STXBP5: variants seen among roughly 807,000 people sequenced by gnomAD.
The protein encoded by STXBP5 is syntaxin-binding protein 5.
STXBP5 carries 50 observed loss-of-function variants against 152.4 expected under a neutral mutation model. The observed-to-expected ratio is 0.33, with a 90% confidence interval of 0.26 to 0.42. The LOEUF is 0.42. STXBP5 is among the 10% of genes least tolerant of loss of function. STXBP5 has a pLI of 1.00. For synonymous variants in STXBP5, 492 were observed against 494.7 expected, an observed-to-expected ratio of 0.99 and a Z score of 0.07; for missense variants, 1,167 against 1,388.6, an observed-to-expected ratio of 0.84 and a Z score of 2.54.
rs768730306 is a variant in STXBP5 at position 147,364,159 on chromosome 6, A to G, written c.3074A>G (p.Asn1025Ser). Residue 1025 changes from asparagine to serine, a missense_variant, in exon 25 of 28, where the codon AAT (asparagine) becomes AGT (serine). Transcript: ENST00000321680. ...RLTYSQETCE[N>S]LQEMLGELFT... is the part of the protein sequence containing the mutation. Reference sequence around the variant, plus strand: ...ACTTATAGTCAAGAGACCTGTGAAAATCTTCAGGTAATTAATAAAAATATT... The same window carrying G: ...ACTTATAGTCAAGAGACCTGTGAAAGTCTTCAGGTAATTAATAAAAATATT... 5 of 1,611,360 alleles carry G rather than the reference A, an allele frequency of 3.1e-6. No homozygotes were observed. The highest frequency in any genetic ancestry group is 1.7e-5 in the Admixed American group (1 of 59,768).
chr6:147,382,801 G>A lies in STXBP5; in HGVS notation c.3217G>A (p.Ala1073Thr). The change falls in exon 27 of 28, where the codon GCT becomes ACT. Residue 1073 changes from alanine to threonine, a missense_variant. Ala to Thr is a moderately conservative substitution (Grantham distance 58). Around this residue, in one of 3 missense-constraint regions of STXBP5, gnomAD observed 833 missense variants for 986.3 expected, o/e 0.84. Coordinates refer to ENST00000321680, the MANE Select transcript of STXBP5 (RefSeq NM_001127715.4). ...AGTTGGAGAATCGTCCTCAGGAAAG[G>A]CTTCAAGGAGCCTTGCACAGCATAT... Reference protein sequence around the residue: ...ELFGESSSGKASRSLAQHIPG... With the variant: ...ELFGESSSGKTSRSLAQHIPG... 6.2e-7 allele frequency: 1 copy of A among 1,613,312 alleles called. No individual in the cohort carries two copies. Among genetic ancestry groups the A allele is most frequent in the Non-Finnish European group, 8.5e-7 (1 of 1,179,508 alleles).
At chr6:147,311,221 A>G (rs984389838) in intron 10 of STXBP5, among the ~76,000 whole-genome samples, 8 of 152,198 alleles carry the variant, frequency 5.3e-5, no homozygotes, top group Non-Finnish European at 1.0e-4. Flanking sequence ...TTGCAATGCC[A>G]TAGAAATTTC....
At chr6:147,377,031 T>C (rs1313413214) in intron 26 of STXBP5, among the ~76,000 whole-genome samples, 3 of 152,138 alleles carry the variant, frequency 2.0e-5, no homozygotes, top group Non-Finnish European at 4.4e-5. Context: ...AAAACAAATA[T>C]TGACATAGCT....
At chr6:147,279,802 C>T (rs902794121) in intron 8 of STXBP5, among the ~76,000 whole-genome samples, 6 of 152,126 alleles carry the variant, frequency 3.9e-5, no homozygotes, top group African/African-American at 1.4e-4. Context: ...TTAGAATCTC[C>T]TAACCCTGCT....
intron 25 of STXBP5, among the ~76,000 whole-genome samples, chr6:147,367,637 CAAAAAACA>C (rs1330154206): frequency 6.6e-6 from 1 of 150,878 alleles, no homozygotes; most frequent in Non-Finnish European, 1.5e-5. Flanking sequence ...GATTCTGTCT[CAAAAAACA>C]AAAAAACAAA....
chr6:147,298,692 T>C (rs922013307), intron 9 of STXBP5, among the ~76,000 whole-genome samples: 3 of 151,990 alleles, frequency 2.0e-5, no homozygotes, highest in African/African-American at 7.2e-5. Context: ...TTGGAAACTG[T>C]AAAAATACAT....
intron 5 of STXBP5, 43 bp downstream of exon 5, chr6:147,260,792 A>G (rs1368300366): frequency 1.3e-6 from 2 of 1,592,408 alleles, no homozygotes; most frequent in Non-Finnish European, 1.7e-6. Flanking sequence ...CATCAGTTCT[A>G]TATATAATAA....
intron 16 of STXBP5, among the ~76,000 whole-genome samples, chr6:147,319,941 A>C (rs1782836334): frequency 6.7e-6 from 1 of 148,604 alleles, no homozygotes; most frequent in African/African-American, 2.5e-5. Context: ...TCCTGGGCTC[A>C]ATCAGTCCTC....
Position 147,363,697 on chromosome 6 carries a change from A to G in STXBP5, c.2908A>G (p.Thr970Ala). The G allele has an allele frequency of 6.2e-7, 1 of 1,606,726 alleles. No homozygotes were observed. The highest frequency in any genetic ancestry group is 8.5e-7 in the Non-Finnish European group (1 of 1,177,170). The part of the protein sequence containing the change: ...ACFCANGHIM[T>A]FSLPSLRPLL... Reference sequence around the variant, plus strand: ...TTTCTGTGCCAATGGACATATAATGACTTTTAGGTAAGAGTTAGATATGTT... The same window carrying G: ...TTTCTGTGCCAATGGACATATAATGGCTTTTAGGTAAGAGTTAGATATGTT... Residue 970 changes from threonine (T) to alanine (A), a missense_variant, in exon 24 of 28, where the codon ACT (threonine) becomes GCT (alanine). Coordinates refer to ENST00000321680, the MANE Select transcript of STXBP5 (RefSeq NM_001127715.4).
At chr6:147,231,375 C>G (rs934398057) in intron 2 of STXBP5, among the ~76,000 whole-genome samples, 6 of 151,866 alleles carry the variant, frequency 4.0e-5, no homozygotes, top group Middle Eastern at 3.4e-3. Flanking sequence ...ATGAGTCTAG[C>G]TGTGCAGAAA....
intron 8 of STXBP5, among the ~76,000 whole-genome samples, chr6:147,287,364 G>A (rs372914710): frequency 2.6e-4 from 39 of 150,886 alleles, no homozygotes; most frequent in African/African-American, 8.5e-4. Context: ...CACTACGCCC[G>A]GCTAATTTTT....
At chr6:147,290,896 T>C (rs1478298095) in intron 8 of STXBP5, among the ~76,000 whole-genome samples, 198 bp from the exon 9 acceptor site, 2 of 152,212 alleles carry the variant, frequency 1.3e-5, no homozygotes, top group African/African-American at 4.8e-5. Context: ...ATTTGCTTTT[T>C]AGCACTGAAT....
At chr6:147,364,361 A>G (rs1051618769) in intron 25 of STXBP5, among the ~76,000 whole-genome samples, 195 bp downstream of exon 25, 6 of 152,238 alleles carry the variant, frequency 3.9e-5, no homozygotes, top group African/African-American at 1.4e-4. Context: ...GACATCTGCT[A>G]TAAGCAGCTT....
intron 14 of STXBP5, among the ~76,000 whole-genome samples, 180 bp from the exon 15 acceptor site, chr6:147,315,335 G>T (rs930481745): frequency 4.6e-5 from 7 of 151,820 alleles, no homozygotes; most frequent in Non-Finnish European, 7.4e-5. Context: ...ACTCTTGTTT[G>T]GTCAATGAGA....
intron 2 of STXBP5, among the ~76,000 whole-genome samples, chr6:147,213,906 CATAAT>C (rs1777026469): frequency 6.6e-6 from 1 of 152,082 alleles, no homozygotes; most frequent in Admixed American, 6.6e-5. Flanking sequence ...AGATTTTAAA[CATAAT>C]ATAGTTCTAC....
chr6:147,214,381 A>G (rs1286762298), intron 2 of STXBP5, among the ~76,000 whole-genome samples: 1 of 152,126 alleles, frequency 6.6e-6, no homozygotes, highest in Non-Finnish European at 1.5e-5. Context: ...CATGTAACTT[A>G]TCTTTTTTCT....
At chr6:147,210,074 G>C (rs1776770553) in intron 2 of STXBP5, among the ~76,000 whole-genome samples, 1 of 152,134 alleles carries the variant, frequency 6.6e-6, no homozygotes. Context: ...TGAAAAGAAT[G>C]GACCAAGTGA....
Position 147,363,338 on chromosome 6 carries a change from C to A in STXBP5, c.2549C>A (p.Thr850Asn). The change falls in exon 24 of 28, where the codon ACT becomes AAT. Residue 850 changes from threonine to asparagine, a missense_variant. By Grantham distance (65) the Thr-to-Asn change is moderately conservative (BLOSUM62 0). Around this residue, in one of 3 missense-constraint regions of STXBP5, gnomAD observed 833 missense variants for 986.3 expected, o/e 0.84. Transcript: ENST00000321680. ...TTACTAGACTTCTATATTTTAGGTACTATATTGAGGTTAAAAGGTGCAATC... is the reference window on the plus strand; with the variant it reads ...TTACTAGACTTCTATATTTTAGGTAATATATTGAGGTTAAAAGGTGCAATC... ...LQPVIVSPSG[T>N]ILRLKGAILR... 6.3e-7 allele frequency: 1 copy of A among 1,575,072 alleles called. No homozygotes were observed. The highest frequency in any genetic ancestry group is 1.2e-5 in the South Asian group (1 of 83,874).
At chr6:147,318,770 T>C (rs558817753) in intron 16 of STXBP5, among the ~76,000 whole-genome samples, 1 of 152,314 alleles carries the variant, frequency 6.6e-6, no homozygotes, top group African/African-American at 2.4e-5. Context: ...ACTTTGCCAA[T>C]CCTGGGATAT....
Sources: gnomAD v4.1 joint callset for allele counts (sites outside exome capture counted in the v4.1 genomes callset) on GRCh38, gnomAD v4.1.1 for gene constraint, gnomAD v4.1.1 regional missense constraint, MANE v1.5 for transcripts, NCBI Gene and HGNC (gene_info 2026-07-23, HGNC 2026-07-21) for gene names.